Variants in ZBTB7C observed in about 807,000 individuals in gnomAD.
ZBTB7C encodes zinc finger and BTB domain containing 7C, also known as zinc finger and BTB domain-containing protein 7C.
In ZBTB7C, 8 loss-of-function variants were observed where a neutral mutation model predicts 25.7. The observed-to-expected ratio is 0.31, with a 90% confidence interval of 0.18 to 0.56. The LOEUF (loss-of-function observed/expected upper bound fraction) is 0.56. Ranked by LOEUF, ZBTB7C falls within the 20% of genes least tolerant of loss-of-function variation. The pLI, the probability that ZBTB7C is intolerant of heterozygous loss-of-function variation, is 0.91. For missense variants in ZBTB7C, 824 were observed against 855.2 expected (o/e 0.96, Z 0.46); for synonymous variants, 394 against 369.0 (o/e 1.07, Z -0.78).
intron 3 of ZBTB7C, among the ~76,000 whole-genome samples, chr18:48,050,540 G>A (rs1201766415): frequency 6.6e-6 from 1 of 152,218 alleles, no homozygotes; most frequent in Non-Finnish European, 1.5e-5. Context: ...GATTTGCTCT[G>A]AGCTTTCTTC....
chr18:48,397,340 C>T (rs188992945), intron 1 of ZBTB7C, among the ~76,000 whole-genome samples: 209 of 152,304 alleles, frequency 1.4e-3, no homozygotes, highest in African/African-American at 4.8e-3. Context: ...CTGAGCTTGG[C>T]CCCCATCATG....
intron 1 of ZBTB7C, among the ~76,000 whole-genome samples, chr18:48,389,324 G>A (rs1227267065): frequency 7.1e-6 from 1 of 141,760 alleles, no homozygotes; most frequent in African/African-American, 2.7e-5. Flanking sequence ...TGTAGATGGG[G>A]TTATAGGAGA....
intron 1 of ZBTB7C, among the ~76,000 whole-genome samples, chr18:48,360,988 T>C (rs2047092134): frequency 6.6e-6 from 1 of 151,992 alleles, no homozygotes; most frequent in South Asian, 2.1e-4. Context: ...ATGAGTGTGT[T>C]TCTGTTCTGA....
At chr18:48,177,539 T>A (rs1222505838) in intron 3 of ZBTB7C, among the ~76,000 whole-genome samples, 1 of 152,100 alleles carries the variant, frequency 6.6e-6, no homozygotes, top group Non-Finnish European at 1.5e-5. Context: ...CTATAATTCC[T>A]GGCCAACAGG....
At chr18:48,099,890 C>T (rs935227876) in intron 3 of ZBTB7C, among the ~76,000 whole-genome samples, 2 of 152,214 alleles carry the variant, frequency 1.3e-5, no homozygotes, top group African/African-American at 2.4e-5. Context: ...AGTGCCTCCC[C>T]CAGACGTATT....
At chr18:48,333,847 A>G (rs2046395973) in intron 2 of ZBTB7C, among the ~76,000 whole-genome samples, 1 of 152,172 alleles carries the variant, frequency 6.6e-6, no homozygotes, top group Admixed American at 6.5e-5. Context: ...AACCACACAC[A>G]GTCAAATGTG....
At chr18:48,075,567 A>T (rs2037731553) in intron 3 of ZBTB7C, among the ~76,000 whole-genome samples, 1 of 151,996 alleles carries the variant, frequency 6.6e-6, no homozygotes, top group Non-Finnish European at 1.5e-5. Context: ...TTTTGGGTTG[A>T]TTGATTCCTC....
intron 1 of ZBTB7C, among the ~76,000 whole-genome samples, chr18:48,359,803 G>A (rs999508501): frequency 6.6e-6 from 1 of 152,216 alleles, no homozygotes; most frequent in Admixed American, 6.5e-5. Context: ...CTCTGGGAGG[G>A]CAGTGCAGAA....
At chr18:48,244,949 T>C (rs1242726322) in intron 2 of ZBTB7C, among the ~76,000 whole-genome samples, 1 of 151,906 alleles carries the variant, frequency 6.6e-6, no homozygotes, top group African/African-American at 2.4e-5. Flanking sequence ...ACTGAGTATC[T>C]ACTCAGAGGA....
At chr18:48,299,538 C>A (rs537434051) in intron 2 of ZBTB7C, among the ~76,000 whole-genome samples, 1 of 152,204 alleles carries the variant, frequency 6.6e-6, no homozygotes, top group Non-Finnish European at 1.5e-5. Flanking sequence ...ATAACTCAAC[C>A]TGGTTCTTGC....
At chr18:48,368,381 A>G (rs151154430) in intron 1 of ZBTB7C, among the ~76,000 whole-genome samples, 2 of 152,238 alleles carry the variant, frequency 1.3e-5, no homozygotes, top group East Asian at 3.9e-4. Context: ...TAACTGATAG[A>G]TAGAAAAAAA....
intron 1 of ZBTB7C, among the ~76,000 whole-genome samples, chr18:48,377,325 C>T (rs4940363): frequency 0.54 from 81,608 of 152,038 alleles, 23,106 homozygotes; most frequent in East Asian, 0.77. Context: ...GAGAGCTGTA[C>T]GAATTATCAT....
chr18:48,043,012 T>C (rs1367026270), intron 3 of ZBTB7C, among the ~76,000 whole-genome samples: 1 of 152,126 alleles, frequency 6.6e-6, no homozygotes, highest in Non-Finnish European at 1.5e-5. Context: ...ATTAGGGAAA[T>C]TCAAATTAAA....
At chr18:48,065,111 C>T (rs1198475380) in intron 3 of ZBTB7C, among the ~76,000 whole-genome samples, 2 of 152,242 alleles carry the variant, frequency 1.3e-5, no homozygotes, top group Non-Finnish European at 2.9e-5. Context: ...CTTCCACTCC[C>T]AGTGCCCCCC....
chr18:48,052,387 C>A (rs956237871), intron 3 of ZBTB7C, among the ~76,000 whole-genome samples: 19 of 152,196 alleles, frequency 1.2e-4, no homozygotes, highest in Non-Finnish European at 2.5e-4. Flanking sequence ...CATATTTTGA[C>A]CCTTCCTGGG....
chr18:48,183,144 C>T (rs2041970059), intron 3 of ZBTB7C, among the ~76,000 whole-genome samples: 1 of 152,166 alleles, frequency 6.6e-6, no homozygotes, highest in African/African-American at 2.4e-5. Flanking sequence ...CTGAATCAGG[C>T]TATTAATTGC....
At position 48,107,090 on chromosome 18, in the gene ZBTB7C, A is replaced by AAGGAGAGAGGGG. The variant is rs1241488650; in HGVS notation, c.-16-65979_-16-65968dup. Among the ~76,000 whole-genome samples the AAGGAGAGAGGGG allele has an allele frequency of 9.6e-5, 14 of 146,168 alleles. No homozygotes were observed. The East Asian group carries it at 2.6e-3, about 27-fold the overall frequency. On this transcript the variant is annotated intron_variant, in intron 3 of 4. Coordinates refer to ENST00000590800, the MANE Select transcript of ZBTB7C (RefSeq NM_001318841.2). The stretch of plus-strand genomic sequence containing the variant: ...GACAGAGGGAGGGAAGGAGGGAGGA[A>AAGGAGAGAGGGG]AGGAGAGAGGGGAGGAGAGAGGGGA...
At chr18:48,074,126 G>A (rs754136406) in intron 3 of ZBTB7C, among the ~76,000 whole-genome samples, 11 of 150,338 alleles carry the variant, frequency 7.3e-5, no homozygotes, top group Non-Finnish European at 1.6e-4. Flanking sequence ...CAATTCTCCT[G>A]TCTCAGCCTC....
intron 1 of ZBTB7C, among the ~76,000 whole-genome samples, chr18:48,342,126 C>A (rs2046616294): frequency 6.6e-6 from 1 of 152,224 alleles, no homozygotes; most frequent in South Asian, 2.1e-4. Context: ...TTTCTTCCCT[C>A]TCCCAACTGT....
Sources: gnomAD v4.1 joint callset for allele counts (sites outside exome capture counted in the v4.1 genomes callset) on GRCh38, gnomAD v4.1.1 for gene constraint, MANE v1.5 for transcripts, NCBI Gene and HGNC (gene_info 2026-07-23, HGNC 2026-07-21) for gene names.